MGAT4C: variants seen among roughly 807,000 people sequenced by gnomAD.
MGAT4C encodes the protein MGAT4 family member C.
A neutral mutation model predicts 40.1 loss-of-function variants in MGAT4C; 19 were observed. The ratio of observed to expected loss-of-function variants is 0.47; its 90% CI spans 0.33 to 0.70. The LOEUF (loss-of-function observed/expected upper bound fraction) is 0.70. MGAT4C is among the 30% of genes least tolerant of loss of function. The probability of loss-of-function intolerance (pLI) is 0.02; values close to 1 mark genes in which losing one functional copy is unlikely to be tolerated. For missense variants in MGAT4C, 491 were observed against 563.2 expected, an observed-to-expected ratio of 0.87 and a Z score of 1.30; for synonymous variants, 181 against 187.1, an observed-to-expected ratio of 0.97 and a Z score of 0.27.
intron 2 of MGAT4C, among the ~76,000 whole-genome samples, chr12:86,470,324 C>CT (rs1053292181): frequency 4.6e-5 from 7 of 152,028 alleles, no homozygotes; most frequent in Non-Finnish European, 1.0e-4. Flanking sequence ...TCTCTCTTCC[C>CT]TTTTTTTACT....
At chr12:86,147,443 G>T (rs917988553) in intron 1 of MGAT4C, among the ~76,000 whole-genome samples, 3 of 152,032 alleles carry the variant, frequency 2.0e-5, no homozygotes, top group Non-Finnish European at 4.4e-5. Flanking sequence ...GGGTTTCACC[G>T]TGTTAGCCAG....
chr12:86,223,681 A>C (rs1950966722), intron 1 of MGAT4C, among the ~76,000 whole-genome samples: 1 of 152,116 alleles, frequency 6.6e-6, no homozygotes, highest in African/African-American at 2.4e-5. Context: ...AGTCCTGTTC[A>C]CTTTGTAATG....
chr12:86,301,665 T>C (rs1953815759), intron 4 of MGAT4C, among the ~76,000 whole-genome samples: 2 of 152,220 alleles, frequency 1.3e-5, no homozygotes, highest in Non-Finnish European at 2.9e-5. Flanking sequence ...ATGTGTGATA[T>C]ATGTCAGGAT....
intron 1 of MGAT4C, among the ~76,000 whole-genome samples, chr12:86,179,480 A>G (rs1278896512): frequency 1.3e-5 from 2 of 152,342 alleles, no homozygotes; most frequent in East Asian, 3.9e-4. Context: ...TCAGAAGAAG[A>G]CAGGACAATG....
chr12:86,585,780 T>C (rs1450685109), intron 2 of MGAT4C, among the ~76,000 whole-genome samples: 2 of 150,392 alleles, frequency 1.3e-5, no homozygotes, highest in African/African-American at 4.9e-5. Context: ...CCCCACTTTA[T>C]TGAAACAATT....
chr12:86,573,765 A>G (rs552219169), intron 2 of MGAT4C, among the ~76,000 whole-genome samples: 2 of 152,114 alleles, frequency 1.3e-5, no homozygotes, highest in South Asian at 4.1e-4. Flanking sequence ...GCTTGTTAGA[A>G]TTTATTATAT....
intron 1 of MGAT4C, among the ~76,000 whole-genome samples, chr12:86,176,337 T>A (rs529770942): frequency 1.3e-5 from 2 of 152,162 alleles, no homozygotes; most frequent in African/African-American, 2.4e-5. Flanking sequence ...TTACTGATAA[T>A]CCAATTCAGG....
intron 2 of MGAT4C, among the ~76,000 whole-genome samples, chr12:86,639,229 T>A (rs1369748126): frequency 6.6e-6 from 1 of 151,716 alleles, no homozygotes; most frequent in East Asian, 1.9e-4. Flanking sequence ...TGAAGATACA[T>A]TTCAAAACAA....
intron 1 of MGAT4C, among the ~76,000 whole-genome samples, chr12:86,149,825 A>C (rs1328627608): frequency 6.6e-6 from 1 of 152,242 alleles, no homozygotes; most frequent in Non-Finnish European, 1.5e-5. Context: ...CATGGTTCTC[A>C]ATAAAGAGAA....
chr12:86,785,092 C>T (rs1951910175), intron 1 of MGAT4C, among the ~76,000 whole-genome samples: 1 of 151,972 alleles, frequency 6.6e-6, no homozygotes, highest in South Asian at 2.1e-4. Flanking sequence ...AAATGAAAGG[C>T]ACCATTAGCT....
At chr12:86,089,756 T>C (rs1349405048) in intron 1 of MGAT4C, among the ~76,000 whole-genome samples, 4 of 151,744 alleles carry the variant, frequency 2.6e-5, no homozygotes, top group Non-Finnish European at 5.9e-5. Context: ...TTTGCCATTT[T>C]GCTTTAGGTG....
At chr12:86,248,243 C>G (rs895172512) in intron 1 of MGAT4C, among the ~76,000 whole-genome samples, 1 of 144,686 alleles carries the variant, frequency 6.9e-6, no homozygotes, top group Non-Finnish European at 1.5e-5. Context: ...TCCTTCCTTC[C>G]TTCCTTCTCT....
chr12:86,364,737 G>A (rs1008900819), intron 3 of MGAT4C, among the ~76,000 whole-genome samples: 10 of 138,124 alleles, frequency 7.2e-5, no homozygotes, highest in South Asian at 5.1e-4. Flanking sequence ...GGCAGGTTCT[G>A]TGATGCCCCC....
At chr12:86,110,300 C>CTATATATAGTCTATATATATA (rs1592965353) in intron 1 of MGAT4C, among the ~76,000 whole-genome samples, 2 of 12,216 alleles carry the variant, frequency 1.6e-4, no homozygotes, top group African/African-American at 4.3e-4. Flanking sequence ...TATAGTCTCT[C>CTATATATAGTCTATATATATA]TATATATATA....
At chr12:86,282,764 T>G (rs541237492) in intron 4 of MGAT4C, among the ~76,000 whole-genome samples, 1 of 152,238 alleles carries the variant, frequency 6.6e-6, no homozygotes, top group Non-Finnish European at 1.5e-5. Context: ...TGTTTTGTTT[T>G]GCTTTGTTTT....
At chr12:86,058,548 G>C (rs958888704) in intron 1 of MGAT4C, among the ~76,000 whole-genome samples, 6 of 152,088 alleles carry the variant, frequency 3.9e-5, no homozygotes, top group Non-Finnish European at 5.9e-5. Flanking sequence ...TCATACAATA[G>C]TCTTATGAAG....
intron 2 of MGAT4C, among the ~76,000 whole-genome samples, chr12:86,558,410 A>G (rs1959712145): frequency 6.6e-6 from 1 of 152,132 alleles, no homozygotes. Context: ...CATTATAGTC[A>G]AATGGAGAAA....
At chr12:86,122,873 G>C (rs1399866471) in intron 1 of MGAT4C, among the ~76,000 whole-genome samples, 4 of 152,050 alleles carry the variant, frequency 2.6e-5, no homozygotes, top group African/African-American at 7.2e-5. Context: ...TGTCAACACA[G>C]ATAAATTTTT....
At chr12:86,504,948 A>C (rs1958444856) in intron 2 of MGAT4C, among the ~76,000 whole-genome samples, 1 of 152,074 alleles carries the variant, frequency 6.6e-6, no homozygotes. Flanking sequence ...GCGCCCAGCC[A>C]ATCTATTTTT....
Sources: gnomAD v4.1 joint callset for allele counts (sites outside exome capture counted in the v4.1 genomes callset) on GRCh38, gnomAD v4.1.1 for gene constraint, MANE v1.5 for transcripts, NCBI Gene and HGNC (gene_info 2026-07-23, HGNC 2026-07-21) for gene names.